Variants in DGKB observed in about 807,000 individuals in gnomAD.
The protein encoded by DGKB is 90 kDa diacylglycerol kinase.
DGKB carries 67 observed loss-of-function variants against 114.3 expected under a neutral mutation model. The observed-to-expected ratio is 0.59, with a 90% CI of 0.48 to 0.72. The LOEUF is 0.72. Among genes scored for constraint, DGKB ranks in the 30% least tolerant of loss-of-function variants. The pLI is 0.00. For missense variants in DGKB, 907 were observed against 975.2 expected (o/e 0.93, Z 0.93); for synonymous variants, 398 against 323.1 (o/e 1.23, Z -2.49).
intron 23 of DGKB, among the ~76,000 whole-genome samples, chr7:14,257,115 A>G (rs1291437802): frequency 6.6e-6 from 1 of 152,168 alleles, no homozygotes; most frequent in Admixed American, 6.5e-5. Context: ...GTGAGCTATG[A>G]TCTTGCCAAT....
At chr7:14,490,093 TC>T (rs987373230) in intron 20 of DGKB, among the ~76,000 whole-genome samples, 1 of 152,136 alleles carries the variant, frequency 6.6e-6, no homozygotes, top group Admixed American at 6.6e-5. Flanking sequence ...TAGTTTTTAA[TC>T]CCATTTAATT....
intron 1 of DGKB, among the ~76,000 whole-genome samples, chr7:14,926,308 T>A (rs1242140951): frequency 1.1e-4 from 16 of 152,054 alleles, no homozygotes; most frequent in Non-Finnish European, 2.2e-4. Flanking sequence ...TATTGGCATC[T>A]GTTGACTTTC....
intron 23 of DGKB, among the ~76,000 whole-genome samples, chr7:14,285,367 G>A (rs1800711529): frequency 6.6e-6 from 1 of 152,198 alleles, no homozygotes; most frequent in Admixed American, 6.5e-5. Flanking sequence ...GAGCAAAGAG[G>A]TGGGAGGATG....
intron 20 of DGKB, among the ~76,000 whole-genome samples, chr7:14,541,108 C>CT (rs200110793): frequency 1.0e-3 from 149 of 145,810 alleles, no homozygotes; most frequent in Non-Finnish European, 9.6e-4. Context: ...TGTTGGTCTC[C>CT]TTTTTTTTTT....
At chr7:14,827,459 A>G (rs1845853974) in intron 2 of DGKB, among the ~76,000 whole-genome samples, 1 of 152,052 alleles carries the variant, frequency 6.6e-6, no homozygotes, top group South Asian at 2.1e-4. Context: ...AGACAGACAG[A>G]CAGACTAACT....
rs1788757240 is a variant in DGKB at position 14,516,138 on chromosome 7, G to T, written c.1771-37913C>A. 2.0e-5 allele frequency among the ~76,000 whole-genome samples: 3 copies of T among 152,106 alleles called. No individual in the cohort carries two copies. The South Asian group carries it at 6.2e-4, about 32-fold the overall frequency. On this transcript the variant is annotated intron_variant, in intron 20 of 25. Transcript: ENST00000402815. ...GCTAGGATTACAGGCATGAGCCACT[G>T]TGCTCAGCCATATTTTTAAAGAAAA...
At chr7:14,804,638 C>T (rs776796484) in intron 2 of DGKB, among the ~76,000 whole-genome samples, 1 of 151,988 alleles carries the variant, frequency 6.6e-6, no homozygotes, top group Non-Finnish European at 1.5e-5. Context: ...CTTGGCACTC[C>T]TAACAGTCTT....
At chr7:14,659,811 A>C (rs1414387826) in intron 13 of DGKB, among the ~76,000 whole-genome samples, 1 of 151,346 alleles carries the variant, frequency 6.6e-6, no homozygotes, top group Admixed American at 6.6e-5. Context: ...GTCTTGTGCC[A>C]GTTTTCAAAG....
chr7:14,525,641 T>C (rs1411470706), intron 20 of DGKB, among the ~76,000 whole-genome samples: 3 of 152,096 alleles, frequency 2.0e-5, no homozygotes, highest in Non-Finnish European at 4.4e-5. Context: ...AGTCAAGATA[T>C]GATGATCCAG....
chr7:14,804,184 A>G (rs1842527522), intron 2 of DGKB, among the ~76,000 whole-genome samples: 1 of 151,552 alleles, frequency 6.6e-6, no homozygotes. Context: ...ACTGGTTATT[A>G]TCAATTTATA....
At chr7:14,205,752 C>T (rs10274998) in intron 23 of DGKB, among the ~76,000 whole-genome samples, 45,090 of 151,780 alleles carry the variant, frequency 0.3, 8,935 homozygotes, top group African/African-American at 0.54. Flanking sequence ...CTTCTGATCT[C>T]TCATTCTCAA....
At chr7:14,834,988 G>C (rs1425071082) in intron 2 of DGKB, among the ~76,000 whole-genome samples, 2 of 152,070 alleles carry the variant, frequency 1.3e-5, no homozygotes, top group Non-Finnish European at 2.9e-5. Flanking sequence ...CCACCAACAG[G>C]AAATTGTGTC....
chr7:14,901,499 T>C (rs976111712), intron 1 of DGKB, among the ~76,000 whole-genome samples: 1 of 152,166 alleles, frequency 6.6e-6, no homozygotes, highest in Non-Finnish European at 1.5e-5. Context: ...GTTTTGTCAA[T>C]AATTTTTCTT....
intron 17 of DGKB, among the ~76,000 whole-genome samples, chr7:14,587,357 T>C (rs1327108362): frequency 1.3e-5 from 2 of 152,060 alleles, no homozygotes; most frequent in Admixed American, 1.3e-4. Context: ...AGAATTGAAT[T>C]TGAAAGGATG....
chr7:14,301,616 G>A (rs1585017980), intron 23 of DGKB, among the ~76,000 whole-genome samples: 1 of 152,124 alleles, frequency 6.6e-6, no homozygotes, highest in African/African-American at 2.4e-5. Flanking sequence ...TCCTACCAAT[G>A]TGGACAACTT....
chr7:14,377,084 G>A (rs571941248), intron 21 of DGKB, among the ~76,000 whole-genome samples: 2 of 152,144 alleles, frequency 1.3e-5, no homozygotes, highest in Non-Finnish European at 2.9e-5. Context: ...TATAGGATGG[G>A]GGGTTCTGAA....
chr7:14,279,590 C>T (rs1799588225), intron 23 of DGKB, among the ~76,000 whole-genome samples: 1 of 152,206 alleles, frequency 6.6e-6, no homozygotes, highest in Admixed American at 6.5e-5. Context: ...CCCCCACTCT[C>T]TTCTGGCTTG....
At chr7:14,340,667 T>G (rs538158487) in intron 22 of DGKB, among the ~76,000 whole-genome samples, 2 of 151,798 alleles carry the variant, frequency 1.3e-5, no homozygotes, top group South Asian at 4.1e-4. Flanking sequence ...CAGTCACTTC[T>G]TAATACATAT....
At chr7:14,724,958 C>A (rs960449307) in intron 5 of DGKB, among the ~76,000 whole-genome samples, 14 of 152,100 alleles carry the variant, frequency 9.2e-5, no homozygotes, top group African/African-American at 3.4e-4. Context: ...TCATTTGAGT[C>A]CAGGAGTTTG....
Sources: gnomAD v4.1 joint callset for allele counts (sites outside exome capture counted in the v4.1 genomes callset) on GRCh38, gnomAD v4.1.1 for gene constraint, MANE v1.5 for transcripts, NCBI Gene and HGNC (gene_info 2026-07-23, HGNC 2026-07-21) for gene names.